SDK1: variants seen among roughly 807,000 people sequenced by gnomAD.
The protein encoded by SDK1 is sidekick cell adhesion molecule 1.
SDK1 carries 157 observed loss-of-function variants against 245.5 expected under a neutral mutation model. That is an observed-to-expected ratio of 0.64 (90% CI 0.56 to 0.73). SDK1 has a LOEUF of 0.73. Ranked by LOEUF, SDK1 falls within the 30% of genes least tolerant of loss-of-function variation. The pLI is 0.00. For synonymous variants in SDK1, 1,647 were observed against 1,278.5 expected (o/e 1.29, Z -6.15); for missense variants, 3,583 against 3,002.3 (o/e 1.19, Z -4.52).
intron 22 of SDK1, among the ~76,000 whole-genome samples, chr7:4,083,229 T>G (rs1781175676): frequency 6.6e-6 from 1 of 152,102 alleles, no homozygotes; most frequent in South Asian, 2.1e-4. Context: ...TTCCTCACCC[T>G]CAAAGGTGTC....
At chr7:4,034,367 G>A (rs911069100) in intron 17 of SDK1, among the ~76,000 whole-genome samples, 18 of 152,166 alleles carry the variant, frequency 1.2e-4, no homozygotes, top group Admixed American at 9.8e-4. Flanking sequence ...CAATGCCGAC[G>A]TCCCGGTTTT....
chr7:3,656,614 C>A (rs1783192694), intron 4 of SDK1, among the ~76,000 whole-genome samples: 2 of 152,118 alleles, frequency 1.3e-5, no homozygotes, highest in South Asian at 4.1e-4. Flanking sequence ...CAGGATACAT[C>A]TCACCTGTAC....
At chr7:3,341,295 C>G (rs1583707644) in intron 1 of SDK1, among the ~76,000 whole-genome samples, 1 of 152,242 alleles carries the variant, frequency 6.6e-6, no homozygotes, top group East Asian at 1.9e-4. Flanking sequence ...AAGCATCTGA[C>G]AAAATCCAAC....
intron 30 of SDK1, among the ~76,000 whole-genome samples, chr7:4,150,000 T>C (rs1274413929): frequency 6.6e-6 from 1 of 151,840 alleles, no homozygotes; most frequent in East Asian, 1.9e-4. Context: ...CTCAGTTGTT[T>C]ACTGGACCTC....
chr7:3,973,865 G>C (rs926472475), intron 12 of SDK1, among the ~76,000 whole-genome samples: 1 of 151,572 alleles, frequency 6.6e-6, no homozygotes, highest in South Asian at 2.1e-4. Context: ...ATTATTTTTT[G>C]GTTTAATTCA....
chr7:3,419,608 G>C (rs1779481917), intron 1 of SDK1, among the ~76,000 whole-genome samples: 1 of 152,202 alleles, frequency 6.6e-6, no homozygotes, highest in Non-Finnish European at 1.5e-5. Flanking sequence ...GTTGCCTTTT[G>C]AATGCTGGTC....
intron 17 of SDK1, among the ~76,000 whole-genome samples, chr7:4,039,908 ACATAAT>A (rs763138370): frequency 4.4e-5 from 6 of 136,676 alleles, no homozygotes; most frequent in Non-Finnish European, 7.7e-5. Flanking sequence ...ATAATTATAA[ACATAAT>A]CATACGTTTT....
chr7:3,315,514 A>T (rs1029229667), intron 1 of SDK1, among the ~76,000 whole-genome samples: 1 of 152,128 alleles, frequency 6.6e-6, no homozygotes, highest in Admixed American at 6.5e-5. Context: ...ACGCATGCAC[A>T]TGCAAGTAGA....
At chr7:3,899,651 A>T (rs935886478) in intron 5 of SDK1, among the ~76,000 whole-genome samples, 1 of 152,214 alleles carries the variant, frequency 6.6e-6, no homozygotes, top group Non-Finnish European at 1.5e-5. Context: ...GCCAGGTCCA[A>T]GCTGCACCAG....
chr7:3,528,964 G>C (rs1482475114), intron 1 of SDK1, among the ~76,000 whole-genome samples: 6 of 152,148 alleles, frequency 3.9e-5, no homozygotes, highest in Non-Finnish European at 7.3e-5. Flanking sequence ...AGGGTTTAAA[G>C]GGGCACTGGG....
In SDK1 at chr7:3,883,055, T is replaced by G. The variant is rs10272793; in HGVS notation, c.847+61472T>G. ...ACATAGGAACTGCCACACTGAGTTA[T>G]TGGTGCAGTTTATGGAGCTCAGAGG... On this transcript the variant is annotated intron_variant, in intron 5 of 44. Transcript: ENST00000404826. Among the ~76,000 whole-genome samples, 1,045 of 152,246 alleles carry G rather than the reference T, an allele frequency of 6.9e-3. 13 individuals carry two copies. The highest frequency in any genetic ancestry group is 0.024 in the African/African-American group (996 of 41,536).
chr7:4,025,078 C>T (rs943739962), intron 17 of SDK1, among the ~76,000 whole-genome samples: 2 of 152,154 alleles, frequency 1.3e-5, no homozygotes, highest in Non-Finnish European at 2.9e-5. Flanking sequence ...ACAATAGTGA[C>T]TCTCCCAGTG....
chr7:3,602,825 C>T (rs186250224), intron 1 of SDK1, among the ~76,000 whole-genome samples: 355 of 152,304 alleles, frequency 2.3e-3, no homozygotes, highest in Non-Finnish European at 3.2e-3. Context: ...ACATTTAAGT[C>T]TTTAATCCAT....
At chr7:4,121,229 G>T (rs1189080739) in intron 25 of SDK1, among the ~76,000 whole-genome samples, 1 of 152,148 alleles carries the variant, frequency 6.6e-6, no homozygotes, top group East Asian at 1.9e-4. Flanking sequence ...TGTATCAAAA[G>T]AAGCAAGTGG....
chr7:3,693,294 C>A (rs777497448), intron 4 of SDK1, among the ~76,000 whole-genome samples: 1 of 151,974 alleles, frequency 6.6e-6, no homozygotes, highest in Non-Finnish European at 1.5e-5. Context: ...ATAAAAATGT[C>A]GTAATATTCA....
At chr7:3,629,147 A>C (rs1439200583) in intron 2 of SDK1, among the ~76,000 whole-genome samples, 2 of 151,718 alleles carry the variant, frequency 1.3e-5, no homozygotes, top group East Asian at 1.9e-4. Flanking sequence ...AAAAAAAAAA[A>C]AAAATTAGCC....
At chr7:3,640,493 C>T (rs758792165) in intron 3 of SDK1, among the ~76,000 whole-genome samples, 113 of 151,890 alleles carry the variant, frequency 7.4e-4, no homozygotes, top group Admixed American at 1.8e-3. Context: ...ATTGTGATGC[C>T]GAAGAATGTT....
chr7:4,138,567 T>C (rs531651234), intron 28 of SDK1, among the ~76,000 whole-genome samples: 11 of 152,014 alleles, frequency 7.2e-5, no homozygotes, highest in African/African-American at 2.7e-4. Flanking sequence ...GCCAACATGG[T>C]GAAACCCCGT....
At chr7:3,816,282 C>T (rs1306425626) in intron 4 of SDK1, among the ~76,000 whole-genome samples, 2 of 151,832 alleles carry the variant, frequency 1.3e-5, no homozygotes, top group African/African-American at 2.4e-5. Context: ...ACAAAAAACC[C>T]TTCAAAAACT....
Sources: allele counts gnomAD v4.1 joint callset (sites outside exome capture counted in the v4.1 genomes callset), GRCh38; gene constraint gnomAD v4.1.1; transcripts MANE v1.5; gene names NCBI Gene and HGNC (gene_info 2026-07-23, HGNC 2026-07-21).